The following CRYL1 variants were observed in gnomAD, a reference collection of about 807,000 sequenced individuals.
The protein encoded by CRYL1 is crystallin lambda 1, also known as lambda-crystallin homolog.
A neutral mutation model predicts 36.6 loss-of-function variants in CRYL1; 29 were observed. The observed-to-expected ratio is 0.79, with a 90% confidence interval of 0.59 to 1.08. The LOEUF is 1.08. Among genes scored for constraint, CRYL1 ranks in the 50% least tolerant of loss-of-function variants. CRYL1 has a pLI of 0.00. For missense variants in CRYL1, 411 were observed against 407.9 expected (o/e 1.01, Z -0.06); for synonymous variants, 152 against 151.5 (o/e 1.00, Z -0.02).
At chr13:20,426,953 G>C (rs774590394) in intron 5 of CRYL1, 1 of 985,582 alleles carries the variant, frequency 1.0e-6, no homozygotes, top group Non-Finnish European at 1.2e-6. Context: ...AGAACCCAAG[G>C]TCAGCAATTT....
chr13:20,508,876 CAAAAAAA>C (rs869116656), intron 2 of CRYL1, among the ~76,000 whole-genome samples: 1 of 41,422 alleles, frequency 2.4e-5, no homozygotes, highest in Non-Finnish European at 4.5e-5. Context: ...AAAAAAAAAA[CAAAAAAA>C]AAAAACTGAC....
chr13:20,478,985 A>G (rs898778998), intron 3 of CRYL1, among the ~76,000 whole-genome samples: 2 of 151,080 alleles, frequency 1.3e-5, no homozygotes, highest in African/African-American at 2.4e-5. Context: ...GATGGTCTCA[A>G]TCTCCTGACC....
intron 3 of CRYL1, among the ~76,000 whole-genome samples, chr13:20,454,456 C>T (rs559913182): frequency 6.9e-6 from 1 of 145,862 alleles, no homozygotes; most frequent in Non-Finnish European, 1.5e-5. Context: ...TTGCTCTTGT[C>T]GCCCAGGCTG....
At chr13:20,515,263 T>C (rs1265923893) in intron 1 of CRYL1, among the ~76,000 whole-genome samples, 1 of 152,202 alleles carries the variant, frequency 6.6e-6, no homozygotes, top group East Asian at 1.9e-4. Context: ...ATTGTGGTGA[T>C]GGATGCACAA....
rs79475914 is a variant in CRYL1 at position 20,463,389 on chromosome 13, G to A, written c.277-23635C>T. On this transcript the variant is annotated intron_variant, in intron 3 of 7. Transcript: ENST00000298248. ...ACTCCAAGTAAGATTAAGACACATA[G>A]TGATTGATTTTTCTCCAGAAAAAAA... 4.9e-4 allele frequency among the ~76,000 whole-genome samples: 45 copies of A among 92,382 alleles called. 1 individual carries two copies. In the East Asian group the frequency reaches 0.013, roughly 27 times the overall value. The allele number at this position is 92,382 out of a possible 152,430, so 60.6% of individuals were successfully genotyped here.
chr13:20,431,217 C>T, intron 5 of CRYL1: 1 of 985,416 alleles, frequency 1.0e-6, no homozygotes, highest in Non-Finnish European at 1.2e-6. Flanking sequence ...TTCCTGGTTG[C>T]CATCTCAGGC....
chr13:20,504,923 T>C (rs1176119908), intron 2 of CRYL1, among the ~76,000 whole-genome samples: 2 of 152,226 alleles, frequency 1.3e-5, no homozygotes, highest in African/African-American at 2.4e-5. Flanking sequence ...AGTTCATTTT[T>C]ACAGGTTCAG....
At chr13:20,460,608 C>G (rs1463109962) in intron 3 of CRYL1, among the ~76,000 whole-genome samples, 1 of 148,632 alleles carries the variant, frequency 6.7e-6, no homozygotes, top group African/African-American at 2.5e-5. Context: ...TCACTGCAAG[C>G]TCCGCCACCC....
chr13:20,515,457 T>C (rs1201890956), intron 1 of CRYL1, among the ~76,000 whole-genome samples: 1 of 152,014 alleles, frequency 6.6e-6, no homozygotes, highest in Non-Finnish European at 1.5e-5. Flanking sequence ...ATAATAATAA[T>C]TAATAATAAT....
At chr13:20,487,638 G>T (rs1441813969) in intron 3 of CRYL1, among the ~76,000 whole-genome samples, 3 of 152,114 alleles carry the variant, frequency 2.0e-5, no homozygotes, top group African/African-American at 7.2e-5. Context: ...TCACGGCTGG[G>T]AACAGTGGTT....
At chr13:20,429,427 C>T (rs762448507) in intron 5 of CRYL1, among the ~76,000 whole-genome samples, 15 of 152,164 alleles carry the variant, frequency 9.9e-5, no homozygotes, top group East Asian at 1.9e-4. Flanking sequence ...ATTTGCAAGA[C>T]GGGGAGGTGA....
At chr13:20,515,907 T>C (rs1250495311) in intron 1 of CRYL1, 1 of 152,286 alleles carries the variant, frequency 6.6e-6, no homozygotes, top group Non-Finnish European at 1.5e-5. Flanking sequence ...AAATGGCAAG[T>C]TGGGCTGGGC....
At chr13:20,410,299 C>G (rs187942490) in intron 6 of CRYL1, among the ~76,000 whole-genome samples, 2 of 148,678 alleles carry the variant, frequency 1.3e-5, no homozygotes, top group Non-Finnish European at 3.0e-5. Flanking sequence ...AACCCAACAC[C>G]GCATATTCTC....
At chr13:20,492,520 C>G (rs1368183096) in intron 2 of CRYL1, among the ~76,000 whole-genome samples, 1 of 152,166 alleles carries the variant, frequency 6.6e-6, no homozygotes, top group Non-Finnish European at 1.5e-5. Flanking sequence ...GTCTCAGCTT[C>G]TAGAGGCTGC....
intron 6 of CRYL1, among the ~76,000 whole-genome samples, chr13:20,411,508 C>T (rs139465215): frequency 6.6e-6 from 1 of 152,240 alleles, no homozygotes; most frequent in African/African-American, 2.4e-5. Context: ...AAGAAAAACA[C>T]AGTGGTTATC....
chr13:20,482,455 C>T (rs1436085341), intron 3 of CRYL1, among the ~76,000 whole-genome samples: 1 of 152,364 alleles, frequency 6.6e-6, no homozygotes, highest in African/African-American at 2.4e-5. Flanking sequence ...TTGAGACCAG[C>T]TTTTCAGAGT....
chr13:20,432,434 T>C, intron 4 of CRYL1, 138 bp from the exon 5 acceptor site: 1 of 550,328 alleles, frequency 1.8e-6, no homozygotes, highest in Non-Finnish European at 3.2e-6. Flanking sequence ...AACAAGATAC[T>C]TGAGAAAGAA....
intron 6 of CRYL1, 121 bp downstream of exon 6, chr13:20,413,160 TG>T: frequency 1.6e-6 from 1 of 628,458 alleles, no homozygotes; most frequent in Non-Finnish European, 2.8e-6. Context: ...TCACCAGGGC[TG>T]GCCATCATCT....
intron 5 of CRYL1, among the ~76,000 whole-genome samples, chr13:20,428,112 G>T (rs6490572): frequency 0.98 from 149,521 of 152,250 alleles, 73,483 homozygotes; most frequent in East Asian, 1. Flanking sequence ...TTAACAAAAA[G>T]TACACACAAT....
Sources: allele counts gnomAD v4.1 joint callset (sites outside exome capture counted in the v4.1 genomes callset), GRCh38; gene constraint gnomAD v4.1.1; transcripts MANE v1.5; gene names NCBI Gene and HGNC (gene_info 2026-07-23, HGNC 2026-07-21).